DOCK1: variants seen among roughly 807,000 people sequenced by gnomAD.
DOCK1 encodes the protein dedicator of cytokinesis 1.
In DOCK1, 138 loss-of-function variants were observed where a neutral mutation model predicts 262.7. The ratio of observed to expected loss-of-function variants is 0.53; its 90% CI spans 0.46 to 0.61. The LOEUF (loss-of-function observed/expected upper bound fraction) is 0.61. Among genes scored for constraint, DOCK1 ranks in the 20% least tolerant of loss-of-function variants. The probability of loss-of-function intolerance (pLI) is 0.00; values close to 1 mark genes in which losing one functional copy is unlikely to be tolerated. For synonymous variants in DOCK1, 866 were observed against 867.4 expected (o/e 1.00, Z 0.03); for missense variants, 1,908 against 2,370.7 (o/e 0.80, Z 4.05).
intron 29 of DOCK1, among the ~76,000 whole-genome samples, chr10:127,317,043 T>A (rs977223626): frequency 6.6e-6 from 1 of 151,896 alleles, no homozygotes; most frequent in African/African-American, 2.4e-5. Flanking sequence ...TTTTCCTGGA[T>A]TATTTCCCAA....
At chr10:127,266,549 A>G (rs905107797) in intron 29 of DOCK1, among the ~76,000 whole-genome samples, 3 of 151,952 alleles carry the variant, frequency 2.0e-5, no homozygotes, top group Admixed American at 1.3e-4. Context: ...CTTTGCACTG[A>G]GAGATGTTTC....
At chr10:127,249,430 TATACACACACACACACAC>T (rs1421882556) in intron 28 of DOCK1, among the ~76,000 whole-genome samples, 1 of 132,096 alleles carries the variant, frequency 7.6e-6, no homozygotes, top group Non-Finnish European at 1.6e-5. Flanking sequence ...TACATATATA[TATACACACACACACACAC>T]ACACACACAC....
intron 29 of DOCK1, among the ~76,000 whole-genome samples, chr10:127,280,009 C>T (rs1239078563): frequency 1.2e-4 from 14 of 114,328 alleles, no homozygotes; most frequent in East Asian, 2.7e-4. Flanking sequence ...AATTTTATTT[C>T]ATATATATAT....
rs2036099763 is a variant in DOCK1 at position 126,950,336 on chromosome 10, G to T, written c.47-20366G>T. On this transcript the variant is annotated intron_variant, in intron 1 of 51. Transcript: ENST00000623213. ...TTGGGTGGTAAATATTGGTTTGTTG[G>T]TCTGGATTGACTGGATGATTGGAGG... is the stretch of plus-strand genomic sequence containing the variant. 5.9e-5 allele frequency among the ~76,000 whole-genome samples: 9 copies of T among 152,152 alleles called. No individual in the cohort carries two copies. The South Asian group carries it at 1.9e-3, about 32-fold the overall frequency.
chr10:126,965,340 G>A (rs1340755894), intron 1 of DOCK1, among the ~76,000 whole-genome samples: 1 of 152,190 alleles, frequency 6.6e-6, no homozygotes, highest in Non-Finnish European at 1.5e-5. Context: ...AGGTGGAGCC[G>A]AGGAGGGTGA....
intron 38 of DOCK1, among the ~76,000 whole-genome samples, chr10:127,400,214 C>T (rs1007310514): frequency 4.0e-5 from 6 of 150,026 alleles, no homozygotes; most frequent in Middle Eastern, 3.5e-3. Context: ...GGTTTCTTTA[C>T]GTCGTGGCTA....
chr10:127,371,760 A>G (rs755685355), intron 33 of DOCK1, among the ~76,000 whole-genome samples: 5 of 152,248 alleles, frequency 3.3e-5, no homozygotes, highest in Non-Finnish European at 7.3e-5. Flanking sequence ...TCATGGCACC[A>G]TCTGGGAGAT....
At chr10:127,026,708 C>G (rs1257093704) in intron 16 of DOCK1, among the ~76,000 whole-genome samples, 1 of 152,178 alleles carries the variant, frequency 6.6e-6, no homozygotes, top group Non-Finnish European at 1.5e-5. Flanking sequence ...TCCATGCCAT[C>G]CATCAGAAAA....
At chr10:127,226,064 C>G (rs143324914) in intron 27 of DOCK1, among the ~76,000 whole-genome samples, 1 of 138,156 alleles carries the variant, frequency 7.2e-6, no homozygotes, top group Non-Finnish European at 1.5e-5. Flanking sequence ...GGCGATAGTG[C>G]GAGAGACTCT....
chr10:127,156,559 CTTCTTTTTTTTTTTTT>C (rs1452163041), intron 27 of DOCK1, among the ~76,000 whole-genome samples: 3 of 60,180 alleles, frequency 5.0e-5, no homozygotes, highest in African/African-American at 1.6e-4. Flanking sequence ...TCTTCTTCTT[CTTCTTTTTTTTTTTTT>C]TTTTTTTTTG....
chr10:127,093,251 T>TC (rs1169950905), intron 23 of DOCK1, among the ~76,000 whole-genome samples: 4 of 109,422 alleles, frequency 3.7e-5, no homozygotes, highest in African/African-American at 1.5e-4. Context: ...TCTTTTTTTT[T>TC]TTTTTTTTTT....
At chr10:127,433,748 C>A (rs999761537) in intron 48 of DOCK1, among the ~76,000 whole-genome samples, 34 of 152,124 alleles carry the variant, frequency 2.2e-4, no homozygotes, top group Non-Finnish European at 1.0e-4. Flanking sequence ...GCCCACGGGC[C>A]ACATGCAGCC....
At chr10:126,906,903 T>G (rs1406047635) in intron 1 of DOCK1, among the ~76,000 whole-genome samples, 5 of 152,152 alleles carry the variant, frequency 3.3e-5, no homozygotes, top group Non-Finnish European at 7.3e-5. Flanking sequence ...CTTAGCTTGT[T>G]CCACATGCTG....
At chr10:127,044,401 T>C (rs1327998225) in intron 21 of DOCK1, among the ~76,000 whole-genome samples, 1 of 152,170 alleles carries the variant, frequency 6.6e-6, no homozygotes, top group African/African-American at 2.4e-5. Flanking sequence ...TGTGACTAGT[T>C]CTTTGCACTT....
chr10:127,305,640 CTG>C (rs1158005507), intron 29 of DOCK1, among the ~76,000 whole-genome samples: 14 of 152,170 alleles, frequency 9.2e-5, no homozygotes, highest in Non-Finnish European at 5.9e-5. Flanking sequence ...GGAACAGTGA[CTG>C]TACTCAAGCC....
intron 46 of DOCK1, among the ~76,000 whole-genome samples, chr10:127,424,019 G>A (rs1316247249): frequency 6.6e-6 from 1 of 152,174 alleles, no homozygotes; most frequent in Non-Finnish European, 1.5e-5. Flanking sequence ...CTGATGCTTA[G>A]CCAGAGTGGA....
rs1009239241 is a variant in DOCK1, at chr10:127,257,355, C to A, written c.2970C>A (p.Phe990Leu). The stretch of plus-strand genomic sequence containing the variant: ...TTCAGGATTTCCTAATGGAAACATT[C>A]ATCATGTTTAAGAACCTCATTGGAA... ...TDVVDFLMETFIMFKNLIGKN... is the reference protein window; with the variant it reads ...TDVVDFLMETLIMFKNLIGKN... Residue 990 changes from phenylalanine to leucine, a missense_variant, in exon 29 of 52, where the codon TTC becomes TTA. Phe to Leu is a conservative substitution (Grantham distance 22). Around this residue, in one of 9 missense-constraint regions of DOCK1, gnomAD observed 518 missense variants for 575.1 expected, o/e 0.90. Transcript: ENST00000623213. 1.9e-6 allele frequency: 3 copies of A among 1,601,222 alleles called. No individual in the cohort carries two copies. Among genetic ancestry groups the A allele is most frequent in the Non-Finnish European group, 2.6e-6 (3 of 1,172,750 alleles).
At chr10:127,372,492 C>T (rs565433200) in intron 33 of DOCK1, among the ~76,000 whole-genome samples, 1 of 152,332 alleles carries the variant, frequency 6.6e-6, no homozygotes, top group South Asian at 2.1e-4. Context: ...TTTATCCAGT[C>T]TAAGCACTTT....
At chr10:127,202,159 C>G (rs1314506751) in intron 27 of DOCK1, among the ~76,000 whole-genome samples, 1 of 152,068 alleles carries the variant, frequency 6.6e-6, no homozygotes. Flanking sequence ...CTTGTCTCTA[C>G]TAAAAATAGG....
Sources: allele counts gnomAD v4.1 joint callset (sites outside exome capture counted in the v4.1 genomes callset), GRCh38; gene constraint gnomAD v4.1.1; regional missense constraint gnomAD v4.1.1; transcripts MANE v1.5; gene names NCBI Gene and HGNC (gene_info 2026-07-23, HGNC 2026-07-21).